Variants in GTF2A1L observed in about 807,000 individuals in gnomAD.
GTF2A1L encodes the protein TFIIA-alpha and beta-like factor.
In GTF2A1L, 48 loss-of-function variants were observed where a neutral mutation model predicts 49.7. That is an observed-to-expected ratio of 0.97 (90% CI 0.77 to 1.23). The LOEUF (loss-of-function observed/expected upper bound fraction) is 1.23. Ranked by LOEUF, GTF2A1L falls within the 50% of genes most tolerant of loss-of-function variation. The pLI, the probability that GTF2A1L is intolerant of heterozygous loss-of-function variation, is 0.00. For synonymous variants in GTF2A1L, 246 were observed against 193.5 expected (o/e 1.27, Z -2.25); for missense variants, 736 against 564.8 (o/e 1.30, Z -3.07).
At chr2:48,663,501 C>A (rs1426118752) in intron 6 of GTF2A1L, among the ~76,000 whole-genome samples, 1 of 152,112 alleles carries the variant, frequency 6.6e-6, no homozygotes, top group African/African-American at 2.4e-5. Context: ...GTTTATTTTA[C>A]TTGTCCTAAA....
intron 6 of GTF2A1L, among the ~76,000 whole-genome samples, chr2:48,665,441 C>G (rs1266270306): frequency 6.6e-6 from 1 of 151,728 alleles, no homozygotes; most frequent in Non-Finnish European, 1.5e-5. Flanking sequence ...TACTTATTTT[C>G]TGATATAATA....
chr2:48,619,485 AT>A (rs1208696188), intron 1 of GTF2A1L, among the ~76,000 whole-genome samples: 5 of 151,244 alleles, frequency 3.3e-5, no homozygotes, highest in African/African-American at 1.2e-4. Flanking sequence ...AAAAAAAATA[AT>A]AATAATAATA....
chr2:48,642,297 A>C, intron 3 of GTF2A1L, 105 bp from the exon 4 acceptor site: 7 of 1,127,376 alleles, frequency 6.2e-6, no homozygotes, highest in Non-Finnish European at 8.4e-6. Context: ...ACCATGGTTT[A>C]ACCTGTTAGT....
At chr2:48,665,023 G>A (rs1057514956) in intron 6 of GTF2A1L, among the ~76,000 whole-genome samples, 10 of 152,048 alleles carry the variant, frequency 6.6e-5, no homozygotes, top group Non-Finnish European at 1.5e-4. Flanking sequence ...CTGGGTTCAC[G>A]TGATTCTCGT....
chr2:48,622,776 G>A (rs1479960110), intron 3 of GTF2A1L, among the ~76,000 whole-genome samples: 2 of 150,940 alleles, frequency 1.3e-5, no homozygotes, highest in Admixed American at 6.6e-5. Context: ...AGAGGTTGTA[G>A]TGAGCTGAGA....
At chr2:48,620,738 C>G (rs1369465183) in intron 1 of GTF2A1L, 113 bp from the exon 2 acceptor site, 1 of 616,284 alleles carries the variant, frequency 1.6e-6, no homozygotes, top group Non-Finnish European at 2.1e-6. Flanking sequence ...GTTCGTGCCA[C>G]CGCACTCCAG....
intron 7 of GTF2A1L, 104 bp downstream of exon 7, chr2:48,670,086 C>A (rs1679084666): frequency 8.2e-6 from 12 of 1,458,776 alleles, no homozygotes; most frequent in Admixed American, 5.0e-5. Context: ...CTTTTCTTTA[C>A]TCTTTTGAAA....
At chr2:48,677,528 T>C (rs890039748) in intron 8 of GTF2A1L, among the ~76,000 whole-genome samples, 5 of 152,038 alleles carry the variant, frequency 3.3e-5, no homozygotes, top group Admixed American at 1.3e-4. Context: ...ATAAAGGATT[T>C]TGTAGTCCAT....
At chr2:48,622,671 C>T (rs546645763) in intron 3 of GTF2A1L, among the ~76,000 whole-genome samples, 1 of 151,740 alleles carries the variant, frequency 6.6e-6, no homozygotes, top group African/African-American at 2.4e-5. Flanking sequence ...AAAACAAAAA[C>T]AAAAGCACAA....
intron 8 of GTF2A1L, among the ~76,000 whole-genome samples, chr2:48,677,761 G>A (rs1467656963): frequency 2.0e-5 from 3 of 152,030 alleles, no homozygotes; most frequent in African/African-American, 7.2e-5. Flanking sequence ...AGTAGTGGAA[G>A]TGGTAGAAGT....
At chr2:48,617,964 T>G in intron 1 of GTF2A1L, 69 bp downstream of exon 1, 1 of 1,455,752 alleles carries the variant, frequency 6.9e-7, no homozygotes, top group Non-Finnish European at 9.4e-7. Context: ...AGCCGAACCC[T>G]GCACCTTTTG....
Position 48,671,630 on chromosome 2 carries a change from G to A in GTF2A1L, c.1279G>A (p.Val427Met), listed in dbSNP as rs1679171934. 1 of 1,613,538 alleles carries A rather than the reference G, an allele frequency of 6.2e-7. No homozygotes were observed. The highest frequency in any genetic ancestry group is 8.5e-7 in the Non-Finnish European group (1 of 1,179,684). ...NSGDDVSEQD[V>M]PDLFDTDNVI... ...TGGAGATGATGTTAGTGAACAGGAT[G>A]TGCCAGACCTGTTTGACACGGATAA... is the stretch of plus-strand genomic sequence containing the variant. The change falls in exon 8 of 9, where the codon GTG becomes ATG. Residue 427 changes from valine (V) to methionine (M), a missense_variant. Coordinates refer to ENST00000403751, the MANE Select transcript of GTF2A1L (RefSeq NM_006872.5).
chr2:48,619,443 C>T (rs549542330), intron 1 of GTF2A1L, among the ~76,000 whole-genome samples: 25 of 148,984 alleles, frequency 1.7e-4, no homozygotes, highest in Non-Finnish European at 1.3e-4. Context: ...GTACTCCAGC[C>T]TGGGTGACAG....
chr2:48,630,356 G>C (rs1474493235), intron 3 of GTF2A1L, among the ~76,000 whole-genome samples: 2 of 143,484 alleles, frequency 1.4e-5, no homozygotes, highest in African/African-American at 2.5e-5. Flanking sequence ...TGCGTTCCTA[G>C]GTATTTTATT....
chr2:48,643,119 A>AT (rs954675795), intron 4 of GTF2A1L, among the ~76,000 whole-genome samples: 8 of 151,744 alleles, frequency 5.3e-5, no homozygotes, highest in Non-Finnish European at 1.2e-4. Flanking sequence ...TTTTTTTCAG[A>AT]TTTTTTTTCC....
At chr2:48,627,883 A>T (rs1282515714) in intron 3 of GTF2A1L, among the ~76,000 whole-genome samples, 1 of 143,272 alleles carries the variant, frequency 7.0e-6, no homozygotes, top group African/African-American at 2.5e-5. Context: ...TCTCACCCTC[A>T]TCCCTCTAGT....
At chr2:48,673,897 G>T (rs1391859216) in intron 8 of GTF2A1L, among the ~76,000 whole-genome samples, 6 of 152,090 alleles carry the variant, frequency 3.9e-5, no homozygotes, top group Admixed American at 3.9e-4. Context: ...TACTTTAAAG[G>T]AAGGTCAGAT....
intron 3 of GTF2A1L, among the ~76,000 whole-genome samples, chr2:48,627,288 A>G (rs1220873507): frequency 6.9e-6 from 1 of 144,322 alleles, no homozygotes; most frequent in Admixed American, 7.0e-5. Flanking sequence ...GGTTAGCTGC[A>G]TGATGGAATC....
Position 48,677,978 on chromosome 2 carries a change from G to GGTGT in GTF2A1L, c.1330-1328_1330-1325dup, listed in dbSNP as rs5830998. 2.6e-3 allele frequency among the ~76,000 whole-genome samples: 383 copies of GGTGT among 148,030 alleles called. 1 individual carries two copies. Among genetic ancestry groups the GGTGT allele is most frequent in the African/African-American group, 6.6e-3 (267 of 40,270 alleles). ...TGTCATAGTTGTAAACTCTGAGATG[G>GGTGT]GTGTGTGTGTGTGTGTGTGTGTGTG... On this transcript the variant is annotated intron_variant, in intron 8 of 8. Transcript: ENST00000403751.
Sources: gnomAD v4.1 joint callset for allele counts (sites outside exome capture counted in the v4.1 genomes callset) on GRCh38, gnomAD v4.1.1 for gene constraint, MANE v1.5 for transcripts, NCBI Gene and HGNC (gene_info 2026-07-23, HGNC 2026-07-21) for gene names.